Variants in DSCAML1 observed in about 807,000 individuals in gnomAD.
DSCAML1 encodes cell adhesion molecule DSCAML1.
DSCAML1 carries 38 observed loss-of-function variants against 200.5 expected under a neutral mutation model. The observed-to-expected ratio is 0.19, with a 90% CI of 0.15 to 0.25. DSCAML1 has a LOEUF of 0.25. Among genes scored for constraint, DSCAML1 ranks in the 10% least tolerant of loss-of-function variants. The pLI is 1.00. For missense variants in DSCAML1, 2,223 were observed against 2,858.8 expected, an observed-to-expected ratio of 0.78 and a Z score of 5.07; for synonymous variants, 1,215 against 1,165.0, an observed-to-expected ratio of 1.04 and a Z score of -0.87.
At chr11:117,624,988 G>A (rs533416997) in intron 3 of DSCAML1, among the ~76,000 whole-genome samples, 28 of 152,234 alleles carry the variant, frequency 1.8e-4, no homozygotes, top group African/African-American at 6.7e-4. Flanking sequence ...CTGGTCTCCC[G>A]CAACATACTG....
At chr11:117,807,715 C>T (rs1034117292) in intron 1 of DSCAML1, among the ~76,000 whole-genome samples, 4 of 152,200 alleles carry the variant, frequency 2.6e-5, no homozygotes, top group African/African-American at 9.7e-5. Context: ...GGGATGGGGG[C>T]TCCTCCATGG....
chr11:117,742,965 C>T (rs944096577), intron 3 of DSCAML1, among the ~76,000 whole-genome samples: 2 of 151,974 alleles, frequency 1.3e-5, no homozygotes, highest in African/African-American at 4.8e-5. Context: ...CCATGTGTCC[C>T]TTCTGGGAGT....
At chr11:117,739,860 G>C (rs1426247539) in intron 3 of DSCAML1, among the ~76,000 whole-genome samples, 2 of 152,350 alleles carry the variant, frequency 1.3e-5, no homozygotes, top group Non-Finnish European at 1.5e-5. Flanking sequence ...ACTGCCATTT[G>C]GTTCTAATTC....
At chr11:117,561,838 C>T (rs1189072538) in intron 3 of DSCAML1, among the ~76,000 whole-genome samples, 2 of 152,260 alleles carry the variant, frequency 1.3e-5, no homozygotes, top group Non-Finnish European at 2.9e-5. Flanking sequence ...CATTAAGGCA[C>T]ATGCTCCCAG....
intron 3 of DSCAML1, among the ~76,000 whole-genome samples, chr11:117,704,208 T>C (rs58499675): frequency 0.071 from 10,679 of 151,246 alleles, 973 homozygotes; most frequent in African/African-American, 0.21. Context: ...CCAGGCAAGA[T>C]AATAATAATA....
chr11:117,486,241 G>T (rs1420653830), intron 11 of DSCAML1, among the ~76,000 whole-genome samples: 1 of 116,316 alleles, frequency 8.6e-6, no homozygotes, highest in African/African-American at 3.2e-5. Flanking sequence ...TGGCGGATGG[G>T]AAAGTGGCGG....
intron 2 of DSCAML1, 76 bp from the exon 3 acceptor site, chr11:117,777,013 G>T: frequency 1.3e-6 from 2 of 1,508,076 alleles, no homozygotes; most frequent in Non-Finnish European, 1.8e-6. Context: ...GGAACAGGGA[G>T]TCAGCTCAAC....
intron 21 of DSCAML1, among the ~76,000 whole-genome samples, chr11:117,442,223 A>G (rs972887402): frequency 6.7e-6 from 1 of 148,692 alleles, no homozygotes; most frequent in African/African-American, 2.5e-5. Context: ...TAGTGTGTCT[A>G]GTGTGTGTGT....
chr11:117,806,218 G>A (rs566613717), intron 1 of DSCAML1, among the ~76,000 whole-genome samples: 1 of 152,322 alleles, frequency 6.6e-6, no homozygotes, highest in Non-Finnish European at 1.5e-5. Context: ...AGCTGCTTAA[G>A]CTCAGAGAAA....
chr11:117,797,383 C>T (rs1387440615), upstream of DSCAML1: 3 of 882,120 alleles, frequency 3.4e-6, no homozygotes, highest in African/African-American at 3.5e-5. Context: ...GGAGCGGCGG[C>T]CCGGGCCAGA....
At chr11:117,645,250 C>T (rs1413280012) in intron 3 of DSCAML1, among the ~76,000 whole-genome samples, 1 of 152,120 alleles carries the variant, frequency 6.6e-6, no homozygotes, top group African/African-American at 2.4e-5. Flanking sequence ...AGAACGAGTT[C>T]CAGAGAGAGA....
At chr11:117,679,209 G>A (rs139905664) in intron 3 of DSCAML1, among the ~76,000 whole-genome samples, 288 of 152,342 alleles carry the variant, frequency 1.9e-3, no homozygotes, top group African/African-American at 6.6e-3. Context: ...TAGATCCCCT[G>A]GGCCCAGCAG....
In DSCAML1 at chr11:117,641,738, G is replaced by A. The variant is rs546686500; in HGVS notation, c.512-109216C>T. Among the ~76,000 whole-genome samples, 114 of 152,278 alleles carry A rather than the reference G, an allele frequency of 7.5e-4. 2 individuals are homozygous for A. In the South Asian group the frequency reaches 0.023, roughly 31 times the overall value. On this transcript the variant is annotated intron_variant, in intron 3 of 32. Coordinates refer to ENST00000651296, the MANE Select transcript of DSCAML1 (RefSeq NM_020693.4). ...CCAATTCCTGCCCCATGATGCAGAG[G>A]AACTGAGGCCTGCGACCGGCTCTAT...
Position 117,614,281 on chromosome 11 carries a change from C to T in DSCAML1, c.512-81759G>A, listed in dbSNP as rs545603202. Among the ~76,000 whole-genome samples, 5 of 152,200 alleles carry T rather than the reference C, an allele frequency of 3.3e-5. No individual in the cohort carries two copies. The East Asian group carries it at 5.8e-4, about 18-fold the overall frequency. The stretch of plus-strand genomic sequence containing the variant: ...CCAGTGTCCACCAGCCCAGTGTCCT[C>T]GGGAGTGAATGAAATGACAATCGTG... On this transcript the variant is annotated intron_variant, in intron 3 of 32. Coordinates refer to ENST00000651296, the MANE Select transcript of DSCAML1 (RefSeq NM_020693.4).
At position 117,695,315 on chromosome 11, in the gene DSCAML1, C is replaced by CTT. The variant is rs753748981; in HGVS notation, c.511+81474_511+81475dup. 5.7e-3 allele frequency among the ~76,000 whole-genome samples: 667 copies of CTT among 116,692 alleles called. 9 individuals are homozygous for CTT. Among genetic ancestry groups the CTT allele is most frequent in the Middle Eastern group, 0.019 (4 of 212 alleles). The allele number at this position is 116,692 out of a possible 152,430, so 76.6% of individuals were successfully genotyped here. A position where few individuals can be genotyped will look rare whatever the true frequency, so the allele number is the denominator to read the frequency against. ...TTTTTTCTTTTCTTTCTTTCTTTTT[C>CTT]TTTTTTTTTTTTTTTTTTTGCTAAC... On this transcript the variant is annotated intron_variant, in intron 3 of 32. Transcript: ENST00000651296.
chr11:117,614,313 C>T (rs1246928550), intron 3 of DSCAML1, among the ~76,000 whole-genome samples: 1 of 152,150 alleles, frequency 6.6e-6, no homozygotes, highest in African/African-American at 2.4e-5. Context: ...CGTGCAACAG[C>T]CCTATGTAGG....
chr11:117,612,362 G>A (rs1407043699), intron 3 of DSCAML1, among the ~76,000 whole-genome samples: 1 of 152,150 alleles, frequency 6.6e-6, no homozygotes, highest in Admixed American at 6.5e-5. Context: ...CATCAGTCTG[G>A]AAGGTTTCCA....
intron 3 of DSCAML1, among the ~76,000 whole-genome samples, chr11:117,646,774 T>C (rs1466851990): frequency 6.6e-6 from 1 of 151,630 alleles, no homozygotes; most frequent in Non-Finnish European, 1.5e-5. Flanking sequence ...GAGCTAGCTG[T>C]TAAACCTTCA....
chr11:117,592,603 C>T (rs2051279557), intron 3 of DSCAML1, among the ~76,000 whole-genome samples: 1 of 152,198 alleles, frequency 6.6e-6, no homozygotes, highest in South Asian at 2.1e-4. Flanking sequence ...GGTCCATAGT[C>T]ATTGTATTGA....
Sources: allele counts gnomAD v4.1 joint callset (sites outside exome capture counted in the v4.1 genomes callset), GRCh38; gene constraint gnomAD v4.1.1; transcripts MANE v1.5; gene names NCBI Gene and HGNC (gene_info 2026-07-23, HGNC 2026-07-21).